MOB3B: variants seen among roughly 807,000 people sequenced by gnomAD.
MOB3B encodes MOB kinase activator 3B, also known as MOB kinase activator-like 2B.
Under a neutral mutation model 18.7 loss-of-function variants are expected in MOB3B, and 7 were observed. The observed-to-expected ratio is 0.37, with a 90% confidence interval of 0.21 to 0.70. MOB3B has a LOEUF of 0.70. MOB3B is among the 30% of genes least tolerant of loss of function. The probability of loss-of-function intolerance (pLI) is 0.52; values close to 1 mark genes in which losing one functional copy is unlikely to be tolerated. For synonymous variants in MOB3B, 111 were observed against 99.9 expected (o/e 1.11, Z -0.66); for missense variants, 253 against 281.3 (o/e 0.90, Z 0.72).
At chr9:27,494,337 A>G (rs1036011483) in intron 1 of MOB3B, among the ~76,000 whole-genome samples, 1 of 152,042 alleles carries the variant, frequency 6.6e-6, no homozygotes, top group African/African-American at 2.4e-5. Context: ...TGTGACCCAC[A>G]CCTATTTGCA....
intron 2 of MOB3B, among the ~76,000 whole-genome samples, chr9:27,368,972 A>G (rs1434560601): frequency 6.6e-6 from 1 of 152,204 alleles, no homozygotes; most frequent in African/African-American, 2.4e-5. Flanking sequence ...GCAGTAGATT[A>G]AGAAAGACCC....
intron 2 of MOB3B, among the ~76,000 whole-genome samples, chr9:27,425,454 C>T (rs1228361629): frequency 2.6e-5 from 4 of 151,850 alleles, no homozygotes; most frequent in Admixed American, 2.6e-4. Context: ...TTCAGGATTT[C>T]TCAGAATTCA....
At chr9:27,499,814 G>C (rs1199968031) in intron 1 of MOB3B, among the ~76,000 whole-genome samples, 9 of 151,874 alleles carry the variant, frequency 5.9e-5, no homozygotes, top group Admixed American at 2.0e-4. Context: ...CTGAACTTTG[G>C]GACAATCACT....
intron 1 of MOB3B, among the ~76,000 whole-genome samples, chr9:27,463,865 A>T (rs1819333504): frequency 6.6e-6 from 1 of 152,070 alleles, no homozygotes; most frequent in Non-Finnish European, 1.5e-5. Context: ...CTGAGGTGGG[A>T]GGATCACCTG....
chr9:27,495,088 G>A (rs1297657385), intron 1 of MOB3B, among the ~76,000 whole-genome samples: 1 of 152,136 alleles, frequency 6.6e-6, no homozygotes, highest in African/African-American at 2.4e-5. Context: ...CAGCACTTTA[G>A]GAGGCTGAGG....
intron 3 of MOB3B, among the ~76,000 whole-genome samples, chr9:27,335,729 A>G (rs1157725472): frequency 6.6e-6 from 1 of 151,970 alleles, no homozygotes; most frequent in Non-Finnish European, 1.5e-5. Context: ...AACGCTCTTG[A>G]CCAGTTGTCA....
intron 2 of MOB3B, among the ~76,000 whole-genome samples, chr9:27,414,254 C>T (rs1563862815): frequency 6.6e-6 from 1 of 152,290 alleles, no homozygotes; most frequent in East Asian, 1.9e-4. Flanking sequence ...TTGTGAATAG[C>T]CATGATTCCT....
intron 1 of MOB3B, among the ~76,000 whole-genome samples, chr9:27,459,020 C>A (rs1051482532): frequency 1.3e-5 from 2 of 151,040 alleles, no homozygotes; most frequent in African/African-American, 2.4e-5. Flanking sequence ...GGCCCCCCCC[C>A]ATGTTTAAAG....
At chr9:27,340,602 CT>C (rs200435026) in intron 3 of MOB3B, among the ~76,000 whole-genome samples, 2,369 of 151,204 alleles carry the variant, frequency 0.016, 71 homozygotes, top group African/African-American at 0.054. Context: ...CAACTCTGTG[CT>C]TTTTTTTTAG....
At chr9:27,441,208 AT>A (rs1822590804) in intron 2 of MOB3B, among the ~76,000 whole-genome samples, 1 of 152,242 alleles carries the variant, frequency 6.6e-6, no homozygotes, top group Non-Finnish European at 1.5e-5. Context: ...CACTGTGGCC[AT>A]AACTTTTGCA....
chr9:27,372,191 A>C (rs931382824), intron 2 of MOB3B, among the ~76,000 whole-genome samples: 2 of 152,178 alleles, frequency 1.3e-5, no homozygotes, highest in African/African-American at 4.8e-5. Context: ...GAAAGAAAGG[A>C]AGTGCTAATA....
intron 3 of MOB3B, among the ~76,000 whole-genome samples, chr9:27,336,425 G>C (rs1276532795): frequency 6.6e-6 from 1 of 152,106 alleles, no homozygotes; most frequent in East Asian, 1.9e-4. Flanking sequence ...GAGAAAGGGG[G>C]AGGAAGAAAT....
intron 2 of MOB3B, among the ~76,000 whole-genome samples, chr9:27,404,657 T>C (rs1415051931): frequency 1.3e-5 from 2 of 152,148 alleles, no homozygotes; most frequent in African/African-American, 4.8e-5. Flanking sequence ...TATGCCTGGC[T>C]AATTAAACCA....
chr9:27,391,923 A>G (rs1198044589), intron 2 of MOB3B, among the ~76,000 whole-genome samples: 1 of 152,252 alleles, frequency 6.6e-6, no homozygotes, highest in Non-Finnish European at 1.5e-5. Flanking sequence ...AATCTCATAT[A>G]ATTCACAAAA....
At position 27,522,242 on chromosome 9, in the gene MOB3B, C is replaced by CAAAAAAAAAAAAAAAA. The variant is rs1171362204; in HGVS notation, c.-199+7297_-199+7312dup. Among the ~76,000 whole-genome samples the CAAAAAAAAAAAAAAAA allele has an allele frequency of 2.3e-3, 130 of 56,046 alleles. 1 individual carries two copies. Among genetic ancestry groups the CAAAAAAAAAAAAAAAA allele is most frequent in the Middle Eastern group, 0.029 (1 of 34 alleles). 36.8% of individuals were successfully genotyped at this position (56,046 alleles called of 152,430 possible). A position where few individuals can be genotyped will look rare whatever the true frequency, so the allele number is the denominator to read the frequency against. On this transcript the variant is annotated intron_variant, in intron 1 of 3. Coordinates refer to ENST00000262244, the MANE Select transcript of MOB3B (RefSeq NM_024761.5). ...GGAGACAGAGCAAGACCCCGTCTCA[C>CAAAAAAAAAAAAAAAA]AAAAAAAAAAAAAAAAAAAAAAAAG...
At chr9:27,333,771 A>G (rs1820822211) in intron 3 of MOB3B, among the ~76,000 whole-genome samples, 1 of 152,192 alleles carries the variant, frequency 6.6e-6, no homozygotes, top group Non-Finnish European at 1.5e-5. Flanking sequence ...AATTGATTCT[A>G]TGAAGTCCCT....
intron 2 of MOB3B, among the ~76,000 whole-genome samples, chr9:27,367,910 T>C (rs1205883094): frequency 6.6e-6 from 1 of 152,160 alleles, no homozygotes; most frequent in Non-Finnish European, 1.5e-5. Context: ...TGATGGCATG[T>C]CAACAACAAC....
chr9:27,429,929 G>C lies in MOB3B; in HGVS notation c.418+25204C>G, dbSNP rs573517685. ...ATGTGCTGAGGGTTAGAAGATCTAA[G>C]TTAGTGTCTGAGGCAGACAGATCAG... On this transcript the variant is annotated intron_variant, in intron 2 of 3. Transcript: ENST00000262244. 2.0e-5 allele frequency among the ~76,000 whole-genome samples: 3 copies of C among 152,304 alleles called. No individual in the cohort carries two copies. In the East Asian group the frequency reaches 5.8e-4, roughly 29 times the overall value.
At chr9:27,349,543 T>C (rs1270941679) in intron 3 of MOB3B, among the ~76,000 whole-genome samples, 1 of 152,218 alleles carries the variant, frequency 6.6e-6, no homozygotes, top group East Asian at 1.9e-4. Context: ...CATCAAGCCA[T>C]ACTGACTATT....
Sources: gnomAD v4.1 joint callset for allele counts (sites outside exome capture counted in the v4.1 genomes callset) on GRCh38, gnomAD v4.1.1 for gene constraint, MANE v1.5 for transcripts, NCBI Gene and HGNC (gene_info 2026-07-23, HGNC 2026-07-21) for gene names.